Variants in LCLAT1 observed in about 807,000 individuals in gnomAD.
LCLAT1 encodes the protein 1-AGP acyltransferase 8.
In LCLAT1, 11 loss-of-function variants were observed where a neutral mutation model predicts 30.7. The observed-to-expected ratio is 0.36, with a 90% CI of 0.23 to 0.59. LCLAT1 has a LOEUF of 0.59. LCLAT1 is among the 20% of genes least tolerant of loss of function. The pLI is 0.77. For synonymous variants in LCLAT1, 155 were observed against 151.3 expected, an observed-to-expected ratio of 1.02 and a Z score of -0.18; for missense variants, 402 against 458.6, an observed-to-expected ratio of 0.88 and a Z score of 1.13.
chr2:30,640,019 T>G, intron 5 of LCLAT1, 98 bp from the exon 6 acceptor site: 1 of 906,520 alleles, frequency 1.1e-6, no homozygotes. Flanking sequence ...CACACTGTCC[T>G]GATTTTTCGG....
At chr2:30,603,452 G>A (rs1241780479) in intron 5 of LCLAT1, among the ~76,000 whole-genome samples, 1 of 151,102 alleles carries the variant, frequency 6.6e-6, no homozygotes, top group Non-Finnish European at 1.5e-5. Flanking sequence ...AAAAAGTGGA[G>A]GAAACCTTCA....
At chr2:30,528,436 A>G (rs2148389017) in intron 2 of LCLAT1, among the ~76,000 whole-genome samples, 1 of 152,338 alleles carries the variant, frequency 6.6e-6, no homozygotes, top group South Asian at 2.1e-4. Context: ...GTGGGCAGAG[A>G]AGAGAATGAA....
At chr2:30,536,760 A>C (rs1424223811) in intron 3 of LCLAT1, among the ~76,000 whole-genome samples, 3 of 152,232 alleles carry the variant, frequency 2.0e-5, no homozygotes, top group Non-Finnish European at 4.4e-5. Flanking sequence ...CAGAAAAGTC[A>C]CCAAATTGCA....
chr2:30,505,723 G>C (rs181914363), intron 1 of LCLAT1, among the ~76,000 whole-genome samples: 2 of 151,824 alleles, frequency 1.3e-5, no homozygotes, highest in African/African-American at 2.4e-5. Flanking sequence ...ACCATTACTC[G>C]TACTTGTAAC....
intron 1 of LCLAT1, among the ~76,000 whole-genome samples, chr2:30,479,355 AAGTAGTT>A (rs1170380440): frequency 6.6e-6 from 1 of 151,678 alleles, no homozygotes; most frequent in Non-Finnish European, 1.5e-5. Flanking sequence ...TCAGCCTCCC[AAGTAGTT>A]GGGACCACAG....
chr2:30,478,855 T>C (rs1305328705), intron 1 of LCLAT1, among the ~76,000 whole-genome samples: 1 of 152,202 alleles, frequency 6.6e-6, no homozygotes, highest in East Asian at 1.9e-4. Context: ...TTAAGATCTT[T>C]AGGTTAAGAT....
At chr2:30,579,664 C>T (rs200654015) in intron 5 of LCLAT1, among the ~76,000 whole-genome samples, 1 of 152,036 alleles carries the variant, frequency 6.6e-6, no homozygotes, top group African/African-American at 2.4e-5. Flanking sequence ...GGTTACTCAG[C>T]AGTGGAGACC....
intron 5 of LCLAT1, among the ~76,000 whole-genome samples, chr2:30,623,725 A>G (rs1258266345): frequency 6.6e-6 from 1 of 152,222 alleles, no homozygotes; most frequent in Non-Finnish European, 1.5e-5. Context: ...TGGCCTTGCT[A>G]GAGATCCAGA....
intron 1 of LCLAT1, among the ~76,000 whole-genome samples, chr2:30,502,740 A>G (rs1684459959): frequency 6.6e-6 from 1 of 152,136 alleles, no homozygotes; most frequent in Non-Finnish European, 1.5e-5. Flanking sequence ...ATCTACTGAT[A>G]GATATACCAC....
chr2:30,639,519 C>G (rs1478406565), intron 5 of LCLAT1, among the ~76,000 whole-genome samples: 1 of 152,152 alleles, frequency 6.6e-6, no homozygotes, highest in Non-Finnish European at 1.5e-5. Flanking sequence ...AGGCTGAACT[C>G]CTGGGCAATA....
intron 3 of LCLAT1, among the ~76,000 whole-genome samples, chr2:30,540,008 C>T (rs1664052889): frequency 6.6e-6 from 1 of 152,132 alleles, no homozygotes; most frequent in African/African-American, 2.4e-5. Context: ...TGTCTAATTA[C>T]TTAAATTTTT....
At chr2:30,569,905 A>G (rs779892535) in intron 5 of LCLAT1, among the ~76,000 whole-genome samples, 3 of 152,124 alleles carry the variant, frequency 2.0e-5, no homozygotes, top group South Asian at 2.1e-4. Flanking sequence ...GTTCATGGAG[A>G]ATACAGTTCT....
intron 5 of LCLAT1, chr2:30,607,854 T>C (rs1238413405): frequency 6.7e-4 from 2 of 2,986 alleles, no homozygotes; most frequent in Non-Finnish European, 1.3e-3. Context: ...GCTGTGTGTG[T>C]GTGTGTGTGT....
At chr2:30,627,780 A>C (rs1668584083) in intron 5 of LCLAT1, among the ~76,000 whole-genome samples, 1 of 152,200 alleles carries the variant, frequency 6.6e-6, no homozygotes, top group South Asian at 2.1e-4. Flanking sequence ...TAGATGCTGA[A>C]AAGATATTTG....
intron 1 of LCLAT1, among the ~76,000 whole-genome samples, chr2:30,495,438 C>T (rs1259271572): frequency 6.6e-6 from 1 of 151,750 alleles, no homozygotes; most frequent in Non-Finnish European, 1.5e-5. Context: ...AAAATTTTTA[C>T]CCCATAAGTA....
intron 2 of LCLAT1, among the ~76,000 whole-genome samples, 175 bp downstream of exon 2, chr2:30,525,930 A>G (rs1366118098): frequency 1.3e-5 from 2 of 152,184 alleles, no homozygotes; most frequent in African/African-American, 4.8e-5. Context: ...TACAACGTAA[A>G]TGCTATGTAA....
Position 30,525,664 on chromosome 2 carries a change from T to C in LCLAT1, c.74T>C (p.Leu25Pro). Residue 25 changes from leucine (L) to proline (P), a missense_variant, in exon 2 of 6, where the codon CTG (leucine) becomes CCG (proline). Leu to Pro is a moderately conservative substitution (Grantham distance 98). Transcript: ENST00000379509. ...WGSFFGSIFM[L>P]SPFLPLMFVN... ...AGCTTTTTTGGAAGCATTTTCATGC[T>C]GAGTCCCTTTTTACCTTTGATGTTT... 1 of 1,614,136 alleles carries C rather than the reference T, an allele frequency of 6.2e-7. No individual in the cohort carries two copies. Among genetic ancestry groups the C allele is most frequent in the Non-Finnish European group, 8.5e-7 (1 of 1,179,946 alleles).
intron 1 of LCLAT1, among the ~76,000 whole-genome samples, chr2:30,515,582 A>T (rs1357744135): frequency 6.6e-6 from 1 of 152,202 alleles, no homozygotes; most frequent in African/African-American, 2.4e-5. Context: ...GGTCATTTGG[A>T]AAAACTTGTT....
intron 1 of LCLAT1, among the ~76,000 whole-genome samples, chr2:30,480,700 G>T (rs919382807): frequency 2.8e-4 from 43 of 152,160 alleles, no homozygotes; most frequent in African/African-American, 1.0e-3. Flanking sequence ...CTGCAGTGAG[G>T]TGTGATCCCA....
Sources: allele counts gnomAD v4.1 joint callset (sites outside exome capture counted in the v4.1 genomes callset), GRCh38; gene constraint gnomAD v4.1.1; transcripts MANE v1.5; gene names NCBI Gene and HGNC (gene_info 2026-07-23, HGNC 2026-07-21).